LRRC4C: variants seen among roughly 807,000 people sequenced by gnomAD.
LRRC4C encodes leucine rich repeat containing 4C, also known as leucine-rich repeat-containing protein 4C.
A neutral mutation model predicts 33.6 loss-of-function variants in LRRC4C; 5 were observed. The ratio of observed to expected loss-of-function variants is 0.15; its 90% CI spans 0.08 to 0.31. The LOEUF is 0.31. LRRC4C is among the 10% of genes least tolerant of loss of function. LRRC4C has a pLI of 1.00. For missense variants in LRRC4C, 560 were observed against 796.7 expected (o/e 0.70, Z 3.58); for synonymous variants, 329 against 302.0 (o/e 1.09, Z -0.93).
At chr11:40,117,649 A>C (rs1855529051) in intron 6 of LRRC4C, among the ~76,000 whole-genome samples, 1 of 151,106 alleles carries the variant, frequency 6.6e-6, no homozygotes, top group South Asian at 2.1e-4. Context: ...ACTTCTCCCA[A>C]GTCTCTCAAC....
chr11:40,558,693 T>A (rs918864255), intron 3 of LRRC4C, among the ~76,000 whole-genome samples: 3 of 152,194 alleles, frequency 2.0e-5, no homozygotes, highest in Non-Finnish European at 4.4e-5. Context: ...TAAACGGACA[T>A]GATTTTTTAA....
At chr11:41,189,376 G>A (rs2136201884) in intron 1 of LRRC4C, among the ~76,000 whole-genome samples, 1 of 152,190 alleles carries the variant, frequency 6.6e-6, no homozygotes, top group East Asian at 1.9e-4. Flanking sequence ...AGGTGAGATA[G>A]ACCTTGCGGA....
chr11:40,236,939 A>C (rs2136059109), intron 5 of LRRC4C, among the ~76,000 whole-genome samples: 1 of 152,358 alleles, frequency 6.6e-6, no homozygotes, highest in South Asian at 2.1e-4. Flanking sequence ...CTCTTTAAAA[A>C]CAAATGTGCA....
intron 3 of LRRC4C, among the ~76,000 whole-genome samples, chr11:40,381,471 T>G (rs558806580): frequency 3.3e-5 from 5 of 152,334 alleles, no homozygotes; most frequent in African/African-American, 1.2e-4. Context: ...TCAACATTTC[T>G]TATAATTATC....
intron 3 of LRRC4C, among the ~76,000 whole-genome samples, chr11:40,379,595 A>T (rs865989914): frequency 9.2e-5 from 14 of 152,312 alleles, no homozygotes; most frequent in African/African-American, 3.1e-4. Context: ...AATATTGGAG[A>T]AGAAAAAAAC....
intron 1 of LRRC4C, among the ~76,000 whole-genome samples, chr11:41,003,556 A>G (rs1238710648): frequency 6.6e-6 from 1 of 152,158 alleles, no homozygotes; most frequent in Non-Finnish European, 1.5e-5. Flanking sequence ...AGGGATTGAC[A>G]AGATAAAAAG....
At chr11:40,408,732 T>C (rs1403594367) in intron 3 of LRRC4C, among the ~76,000 whole-genome samples, 2 of 151,898 alleles carry the variant, frequency 1.3e-5, no homozygotes, top group Admixed American at 1.3e-4. Context: ...ATTATAAATG[T>C]CCATGAAAAC....
chr11:40,496,033 T>A (rs1490771837), intron 3 of LRRC4C, among the ~76,000 whole-genome samples: 8 of 151,774 alleles, frequency 5.3e-5, no homozygotes, highest in Non-Finnish European at 8.8e-5. Context: ...TTTCACCTGG[T>A]TTCACCAGGC....
intron 1 of LRRC4C, among the ~76,000 whole-genome samples, chr11:41,331,032 T>C (rs555989804): frequency 1.3e-5 from 2 of 152,176 alleles, no homozygotes; most frequent in Non-Finnish European, 2.9e-5. Flanking sequence ...GGATAAAATC[T>C]ACTGGGATTA....
chr11:40,316,720 A>G (rs924367485), intron 4 of LRRC4C, among the ~76,000 whole-genome samples: 9 of 151,960 alleles, frequency 5.9e-5, no homozygotes, highest in African/African-American at 2.2e-4. Flanking sequence ...CATATGCGTG[A>G]CTGTAAATAT....
intron 1 of LRRC4C, among the ~76,000 whole-genome samples, chr11:41,248,151 A>C (rs556100334): frequency 6.6e-6 from 1 of 152,292 alleles, no homozygotes; most frequent in East Asian, 1.9e-4. Flanking sequence ...CTCTTTTTTG[A>C]TATTGATATC....
At chr11:41,362,198 T>C (rs1486432988) in intron 1 of LRRC4C, among the ~76,000 whole-genome samples, 1 of 152,086 alleles carries the variant, frequency 6.6e-6, no homozygotes, top group Admixed American at 6.6e-5. Flanking sequence ...ATTCAAGATC[T>C]CACAACCCTT....
chr11:41,168,118 G>T lies in LRRC4C; in HGVS notation c.-495-234395C>A, dbSNP rs549920602. On this transcript the variant is annotated intron_variant, in intron 1 of 6. Coordinates refer to ENST00000528697, the MANE Select transcript of LRRC4C (RefSeq NM_001258419.2). The stretch of plus-strand genomic sequence containing the variant: ...TGAGCCAGGCATATATATCCCACCT[G>T]CAGGGACAAAGCAGGTAACCCAACC... 2.6e-4 allele frequency among the ~76,000 whole-genome samples: 40 copies of T among 152,242 alleles called. 1 individual carries two copies. In the South Asian group the frequency reaches 6.2e-3, roughly 24 times the overall value.
chr11:41,170,005 G>T (rs1290023849), intron 1 of LRRC4C, among the ~76,000 whole-genome samples: 1 of 151,812 alleles, frequency 6.6e-6, no homozygotes, highest in Non-Finnish European at 1.5e-5. Flanking sequence ...ACCTTAAAGG[G>T]GTATAATTGT....
chr11:40,913,319 T>C (rs370113099), intron 2 of LRRC4C, among the ~76,000 whole-genome samples: 7 of 152,012 alleles, frequency 4.6e-5, no homozygotes, highest in East Asian at 3.9e-4. Flanking sequence ...TCAGCAAATG[T>C]AAAAGAAAAG....
At chr11:41,158,383 C>A (rs1944324332) in intron 1 of LRRC4C, among the ~76,000 whole-genome samples, 1 of 151,894 alleles carries the variant, frequency 6.6e-6, no homozygotes, top group Admixed American at 6.6e-5. Context: ...AAGAGAAAAC[C>A]ACAATTTAGC....
At chr11:41,434,483 G>A (rs1955355538) in intron 1 of LRRC4C, among the ~76,000 whole-genome samples, 7 of 152,116 alleles carry the variant, frequency 4.6e-5, no homozygotes, top group South Asian at 4.2e-4. Flanking sequence ...TTGTATCTGC[G>A]AAATAATCTT....
intron 3 of LRRC4C, among the ~76,000 whole-genome samples, chr11:40,601,838 A>G (rs1436706781): frequency 1.3e-5 from 2 of 152,086 alleles, no homozygotes; most frequent in African/African-American, 4.8e-5. Context: ...ACTGCACCCA[A>G]TTTCAGATTG....
chr11:40,291,506 T>C (rs1444070696), intron 4 of LRRC4C, among the ~76,000 whole-genome samples: 2 of 152,182 alleles, frequency 1.3e-5, no homozygotes, highest in Non-Finnish European at 2.9e-5. Flanking sequence ...TCCAAAGAAG[T>C]CCTCAGTTAG....
Sources: gnomAD v4.1 joint callset for allele counts (sites outside exome capture counted in the v4.1 genomes callset) on GRCh38, gnomAD v4.1.1 for gene constraint, MANE v1.5 for transcripts, NCBI Gene and HGNC (gene_info 2026-07-23, HGNC 2026-07-21) for gene names.